The following CLMP variants were observed in gnomAD, a reference collection of about 807,000 sequenced individuals.
CLMP encodes the protein CXADR like cell adhesion molecule.
A neutral mutation model predicts 45.2 loss-of-function variants in CLMP; 27 were observed. That is an observed-to-expected ratio of 0.60 (90% CI 0.44 to 0.82). The LOEUF (loss-of-function observed/expected upper bound fraction) is 0.82. CLMP is among the 40% of genes least tolerant of loss of function. The pLI is 0.00. For synonymous variants in CLMP, 167 were observed against 171.4 expected (o/e 0.97, Z 0.20); for missense variants, 403 against 448.4 (o/e 0.90, Z 0.91).
At chr11:123,129,616 TTATATAATATAATA>T (rs1860956141) in intron 1 of CLMP, among the ~76,000 whole-genome samples, 1 of 139,086 alleles carries the variant, frequency 7.2e-6, no homozygotes, top group Admixed American at 7.7e-5. Context: ...TATATTATAT[TTATATAATATAATA>T]TATATTATAT....
At chr11:123,142,505 C>CT (rs1415577890) in intron 1 of CLMP, among the ~76,000 whole-genome samples, 1 of 152,200 alleles carries the variant, frequency 6.6e-6, no homozygotes, top group East Asian at 1.9e-4. Context: ...TAGTAAGCGG[C>CT]TTTGACCTTA....
chr11:123,115,793 A>G (rs971180856), intron 1 of CLMP, among the ~76,000 whole-genome samples: 3 of 152,106 alleles, frequency 2.0e-5, no homozygotes, highest in Non-Finnish European at 1.5e-5. Flanking sequence ...TATATTTTAT[A>G]TTATCTATTG....
At chr11:123,118,279 A>G (rs1435884775) in intron 1 of CLMP, among the ~76,000 whole-genome samples, 1 of 151,812 alleles carries the variant, frequency 6.6e-6, no homozygotes, top group African/African-American at 2.4e-5. Context: ...ATAGGCATGC[A>G]CCACCATGCC....
At chr11:123,113,392 G>A (rs1860669531) in intron 1 of CLMP, among the ~76,000 whole-genome samples, 1 of 152,202 alleles carries the variant, frequency 6.6e-6, no homozygotes, top group Non-Finnish European at 1.5e-5. Context: ...TCAGTATTGT[G>A]TAAGAGTCAA....
At chr11:123,152,203 A>C (rs1861345269) in intron 1 of CLMP, among the ~76,000 whole-genome samples, 2 of 152,296 alleles carry the variant, frequency 1.3e-5, no homozygotes, top group South Asian at 4.1e-4. Flanking sequence ...ATATATTATT[A>C]CTGCTATGTT....
intron 1 of CLMP, among the ~76,000 whole-genome samples, chr11:123,119,313 C>A (rs1168473895): frequency 6.6e-6 from 1 of 151,876 alleles, no homozygotes; most frequent in Non-Finnish European, 1.5e-5. Flanking sequence ...AAACTCCCGA[C>A]CTCAGGTGAT....
chr11:123,154,455 C>T (rs946309689), intron 1 of CLMP, among the ~76,000 whole-genome samples: 15 of 152,254 alleles, frequency 9.9e-5, no homozygotes, highest in African/African-American at 3.4e-4. Context: ...AGGGCTTGCC[C>T]ACTTGTGTTA....
intron 1 of CLMP, among the ~76,000 whole-genome samples, chr11:123,130,708 A>T (rs1860973476): frequency 6.6e-6 from 1 of 152,152 alleles, no homozygotes; most frequent in Admixed American, 6.5e-5. Context: ...GGGGAAAAAA[A>T]AGTAGTTCAG....
chr11:123,101,127 G>C (rs531131873), intron 1 of CLMP, among the ~76,000 whole-genome samples: 1 of 152,044 alleles, frequency 6.6e-6, no homozygotes, highest in Non-Finnish European at 1.5e-5. Context: ...CTTTTCTTTT[G>C]AGATGGAGTC....
At chr11:123,090,265 G>A (rs868513392) in intron 2 of CLMP, among the ~76,000 whole-genome samples, 25 of 140,880 alleles carry the variant, frequency 1.8e-4, no homozygotes, top group Middle Eastern at 3.8e-3. Flanking sequence ...CCAACATTGC[G>A]AAACCCCCAT....
At position 123,121,285 on chromosome 11, in the gene CLMP, TTTTTG is replaced by T. The variant is rs546183356; in HGVS notation, c.29-23338_29-23334del. On this transcript the variant is annotated intron_variant, in intron 1 of 6. Transcript: ENST00000448775. ...GAATTACTCCAGAGAAAAATTCTTG[TTTTTG>T]TTTTGTTTTGTTTTGTTTTGTTTTT... 1.3e-4 allele frequency among the ~76,000 whole-genome samples: 20 copies of T among 151,952 alleles called. 1 individual carries two copies. The South Asian group carries it at 2.9e-3, about 22-fold the overall frequency.
intron 2 of CLMP, among the ~76,000 whole-genome samples, chr11:123,091,570 T>C (rs1295726734): frequency 1.3e-5 from 2 of 152,212 alleles, no homozygotes; most frequent in African/African-American, 4.8e-5. Flanking sequence ...CTCCGTTATT[T>C]TGACTTGCTC....
rs764502298 is a variant in CLMP at position 123,150,480 on chromosome 11, A to AAAGAAAGAAAGAAAGG, written c.28+44432_28+44433insCCTTTCTTTCTTTCTT. On this transcript the variant is annotated intron_variant, in intron 1 of 6. Coordinates refer to ENST00000448775, the MANE Select transcript of CLMP (RefSeq NM_024769.5). ...GAAAGAAAGAAAGAAAGAAAGAAAG[A>AAAGAAAGAAAGAAAGG]AAGGAAGGAAGGAAGGAAGGAAGGA... is the stretch of plus-strand genomic sequence containing the variant. Among the ~76,000 whole-genome samples the AAAGAAAGAAAGAAAGG allele has an allele frequency of 1.8e-3, 75 of 40,746 alleles. 1 individual carries two copies. Among genetic ancestry groups the AAAGAAAGAAAGAAAGG allele is most frequent in the Non-Finnish European group, 2.5e-3 (53 of 21,108 alleles). 26.7% of individuals were successfully genotyped at this position (40,746 alleles called of 152,430 possible). A position where few individuals can be genotyped will look rare whatever the true frequency, so the allele number is the denominator to read the frequency against.
At chr11:123,156,152 C>G (rs907349879) in intron 1 of CLMP, among the ~76,000 whole-genome samples, 1 of 152,168 alleles carries the variant, frequency 6.6e-6, no homozygotes, top group Non-Finnish European at 1.5e-5. Context: ...AGCTCACTCT[C>G]TCTCCCCTCA....
At chr11:123,133,117 C>T (rs1565392543) in intron 1 of CLMP, among the ~76,000 whole-genome samples, 2 of 152,110 alleles carry the variant, frequency 1.3e-5, no homozygotes, top group South Asian at 2.1e-4. Flanking sequence ...TTGGGATGAC[C>T]TGGAGATATG....
intron 1 of CLMP, among the ~76,000 whole-genome samples, chr11:123,172,772 C>T (rs1861653239): frequency 6.6e-6 from 1 of 152,214 alleles, no homozygotes; most frequent in Non-Finnish European, 1.5e-5. Context: ...AGGTGTGAGC[C>T]ACCACATCCA....
chr11:123,147,517 ATCCTC>A (rs1861255422), intron 1 of CLMP, among the ~76,000 whole-genome samples: 1 of 152,092 alleles, frequency 6.6e-6, no homozygotes, highest in African/African-American at 2.4e-5. Flanking sequence ...GGCTGAAGTG[ATCCTC>A]CTGCCTCAGC....
intron 1 of CLMP, among the ~76,000 whole-genome samples, chr11:123,102,512 C>G (rs1328121135): frequency 6.6e-6 from 1 of 151,488 alleles, no homozygotes; most frequent in Admixed American, 6.6e-5. Flanking sequence ...ATCTCCTGAC[C>G]TCGTGATCCG....
chr11:123,169,206 G>A (rs1275925609), intron 1 of CLMP, among the ~76,000 whole-genome samples: 1 of 152,058 alleles, frequency 6.6e-6, no homozygotes, highest in Non-Finnish European at 1.5e-5. Context: ...AGGGCCTCTG[G>A]GATTCCCAGA....
Sources: allele counts gnomAD v4.1 joint callset (sites outside exome capture counted in the v4.1 genomes callset), GRCh38; gene constraint gnomAD v4.1.1; transcripts MANE v1.5; gene names NCBI Gene and HGNC (gene_info 2026-07-23, HGNC 2026-07-21).